Variants in ZNG1C observed in about 807,000 individuals in gnomAD.
ZNG1C encodes the protein zinc-regulated GTPase metalloprotein activator 1C.
At chr9:68,255,165 T>G in the ZNG1C span, among the ~76,000 whole-genome samples, 2 of 110,154 alleles carry the variant, frequency 1.8e-5, no homozygotes, top group African/African-American at 7.2e-5. Flanking sequence ...GTTTTATTTT[T>G]TATTTTTATT....
the ZNG1C span, among the ~76,000 whole-genome samples, chr9:68,255,408 GA>G: frequency 6.6e-6 from 1 of 151,162 alleles, no homozygotes; most frequent in Non-Finnish European, 1.5e-5. Context: ...TCCCTGGGGA[GA>G]AAAGCACCCT....
chr9:68,254,749 G>T, the ZNG1C span: 5 of 142,940 alleles, frequency 3.5e-5, no homozygotes, highest in Admixed American at 3.5e-4. Flanking sequence ...TCACTCTTGG[G>T]TCTGCCCAAC....
At chr9:68,288,645 G>A in the ZNG1C span, among the ~76,000 whole-genome samples, 71 of 23,102 alleles carry the variant, frequency 3.1e-3, no homozygotes, top group Non-Finnish European at 6.5e-3. Context: ...GCTAATTTTT[G>A]TATTTTTTTT....
chr9:68,298,734 A>G, the ZNG1C span: 3 of 752,690 alleles, frequency 4.0e-6, no homozygotes, highest in Non-Finnish European at 5.5e-6. Context: ...TCATTAGAAA[A>G]GGGGATTGTT....
chr9:68,258,202 GT>G, the ZNG1C span, among the ~76,000 whole-genome samples: 1 of 34,228 alleles, frequency 2.9e-5, no homozygotes, highest in Non-Finnish European at 6.5e-5. Context: ...ATTTGACTAT[GT>G]TATGAAATTT....
the ZNG1C span, among the ~76,000 whole-genome samples, chr9:68,246,919 G>A: frequency 5.3e-5 from 7 of 132,836 alleles, no homozygotes; most frequent in African/African-American, 1.4e-4. Context: ...TGCAACCTCC[G>A]CCTCCCGGGT....
chr9:68,276,616 G>C, the ZNG1C span, among the ~76,000 whole-genome samples: 1 of 144,814 alleles, frequency 6.9e-6, no homozygotes. Flanking sequence ...GATAGTTGTA[G>C]ATATGCGGCG....
chr9:68,294,234 CACAG>C, the ZNG1C span, among the ~76,000 whole-genome samples: 12 of 115,954 alleles, frequency 1.0e-4, no homozygotes, highest in East Asian at 2.5e-3. Flanking sequence ...TTGGAAAGAG[CACAG>C]ACAATCTAAG....
At chr9:68,293,146 T>A in the ZNG1C span, among the ~76,000 whole-genome samples, 1 of 152,044 alleles carries the variant, frequency 6.6e-6, no homozygotes, top group African/African-American at 2.4e-5. Context: ...AAGCCACCAG[T>A]GCAAGAATGC....
At chr9:68,290,322 G>A in the ZNG1C span, among the ~76,000 whole-genome samples, 35 of 95,668 alleles carry the variant, frequency 3.7e-4, no homozygotes, top group Middle Eastern at 0.011. Flanking sequence ...TAATCCTAGC[G>A]CTTTGACAGG....
the ZNG1C span, among the ~76,000 whole-genome samples, chr9:68,275,288 AT>A: frequency 7.3e-6 from 1 of 137,614 alleles, no homozygotes; most frequent in Non-Finnish European, 1.6e-5. Flanking sequence ...TCTTCACTTT[AT>A]TTTTTTATTT....
chr9:68,269,585 TTTTTGG>T, the ZNG1C span: 1 of 889,658 alleles, frequency 1.1e-6, no homozygotes, highest in Non-Finnish European at 1.3e-6. Flanking sequence ...TTTTTTTTTT[TTTTTGG>T]TGAGAAAGGC....
chr9:68,296,531 T>A, the ZNG1C span, among the ~76,000 whole-genome samples: 3 of 152,406 alleles, frequency 2.0e-5, no homozygotes, highest in East Asian at 3.8e-4. Context: ...GTTTGGATTA[T>A]AAAATAGTTT....
chr9:68,289,755 T>C, the ZNG1C span, among the ~76,000 whole-genome samples: 1 of 148,130 alleles, frequency 6.8e-6, no homozygotes, highest in Non-Finnish European at 1.5e-5. Context: ...CATTTTGCTT[T>C]AGTTTTCTCA....
chr9:68,270,712 T>A, the ZNG1C span: 1 of 345,852 alleles, frequency 2.9e-6, no homozygotes, highest in Non-Finnish European at 4.1e-6. Flanking sequence ...TGAAACCCCA[T>A]CTCTACTAAA....
chr9:68,299,243 C>A, the ZNG1C span: 9 of 1,559,410 alleles, frequency 5.8e-6, no homozygotes, highest in Non-Finnish European at 7.8e-6. Flanking sequence ...CACATTACAA[C>A]GTTCGTAAAA....
the ZNG1C span, among the ~76,000 whole-genome samples, chr9:68,266,603 A>G: frequency 6.8e-6 from 1 of 146,776 alleles, no homozygotes; most frequent in Non-Finnish European, 1.5e-5. Flanking sequence ...AGTCTTCCCT[A>G]ACTTTACCCA....
At chr9:68,276,298 G>C in the ZNG1C span, among the ~76,000 whole-genome samples, 111 of 132,318 alleles carry the variant, frequency 8.4e-4, no homozygotes, top group African/African-American at 2.9e-3. Context: ...TGCAGAAGCT[G>C]TTTAGTTTAA....
the ZNG1C span, among the ~76,000 whole-genome samples, chr9:68,281,406 G>A: frequency 7.2e-6 from 1 of 138,736 alleles, no homozygotes; most frequent in South Asian, 2.3e-4. Context: ...GCCTTCTCCT[G>A]TGGGGAATCT....
Sources: gnomAD v4.1 joint callset for allele counts (sites outside exome capture counted in the v4.1 genomes callset) on GRCh38, gnomAD v4.1.1 for gene constraint, MANE v1.5 for transcripts, NCBI Gene and HGNC (gene_info 2026-07-23, HGNC 2026-07-21) for gene names.